The following SLC22A15 variants were observed in gnomAD, a reference collection of about 807,000 sequenced individuals.
The protein encoded by SLC22A15 is solute carrier family 22 member 15, also known as flipt 1.
In SLC22A15, 45 loss-of-function variants were observed where a neutral mutation model predicts 62.7. The ratio of observed to expected loss-of-function variants is 0.72; its 90% CI spans 0.56 to 0.92. The LOEUF (loss-of-function observed/expected upper bound fraction) is 0.92. Ranked by LOEUF, SLC22A15 falls within the 40% of genes least tolerant of loss-of-function variation. The probability of loss-of-function intolerance (pLI) is 0.00; values close to 1 mark genes in which losing one functional copy is unlikely to be tolerated. For missense variants in SLC22A15, 622 were observed against 665.6 expected, an observed-to-expected ratio of 0.93 and a Z score of 0.72; for synonymous variants, 264 against 267.0, an observed-to-expected ratio of 0.99 and a Z score of 0.11.
At chr1:116,046,142 T>A (rs937534199) in intron 8 of SLC22A15, among the ~76,000 whole-genome samples, 1 of 152,198 alleles carries the variant, frequency 6.6e-6, no homozygotes, top group Non-Finnish European at 1.5e-5. Context: ...AAAACTGTGT[T>A]GTACAACTAC....
intron 2 of SLC22A15, among the ~76,000 whole-genome samples, chr1:116,013,174 G>A (rs1338864315): frequency 1.3e-5 from 2 of 152,144 alleles, no homozygotes; most frequent in South Asian, 2.1e-4. Context: ...CAGCCCAGTC[G>A]TAAGTCGAGG....
intron 8 of SLC22A15, among the ~76,000 whole-genome samples, chr1:116,052,997 T>C (rs369963141): frequency 4.6e-5 from 7 of 151,538 alleles, no homozygotes; most frequent in African/African-American, 9.7e-5. Flanking sequence ...AAAAGCAGAG[T>C]GCCTCTCCTC....
rs778488597 is a variant in SLC22A15, at chr1:116,031,444, C to T, written c.807C>T (p.Ala269=). The T allele has an allele frequency of 6.2e-7, 1 of 1,613,906 alleles. No homozygotes were observed. The highest frequency in any genetic ancestry group is 1.1e-5 in the South Asian group (1 of 91,068). The change falls in exon 6 of 12, where the codon GCC becomes GCT. Residue 269 remains alanine, a synonymous_variant. Transcript: ENST00000369503. Reference sequence around the variant, plus strand: ...CTGAAGAGGCGCTGTACCTCATTGCCAAGAGGAACCGCAAACTCAAGTGCA... The same window carrying T: ...CTGAAGAGGCGCTGTACCTCATTGCTAAGAGGAACCGCAAACTCAAGTGCA... ...SEAEEALYLI[A]KRNRKLKCTF...
intron 4 of SLC22A15, among the ~76,000 whole-genome samples, chr1:116,024,364 C>T (rs1039327774): frequency 1.3e-5 from 2 of 152,146 alleles, no homozygotes; most frequent in African/African-American, 4.8e-5. Context: ...ATACTCTTTT[C>T]TAACCTGCTG....
At position 116,031,418 on chromosome 1, in the gene SLC22A15, G is replaced by T; in HGVS notation, c.781G>T (p.Ala261Ser). ...WLYSQGRLSE[A>S]EEALYLIAKR... ...ATACTCCCAGGGTCGACTGAGTGAG[G>T]CTGAAGAGGCGCTGTACCTCATTGC... The change falls in exon 6 of 12, where the codon GCT becomes TCT. Residue 261 changes from alanine (A) to serine (S), a missense_variant. Transcript: ENST00000369503. 6.2e-7 allele frequency: 1 copy of T among 1,613,836 alleles called. No individual in the cohort carries two copies. Among genetic ancestry groups the T allele is most frequent in the Non-Finnish European group, 8.5e-7 (1 of 1,179,862 alleles).
intron 8 of SLC22A15, among the ~76,000 whole-genome samples, chr1:116,057,856 A>G (rs1481897333): frequency 1.3e-5 from 2 of 152,144 alleles, no homozygotes; most frequent in African/African-American, 4.8e-5. Flanking sequence ...GAATTGAACA[A>G]TGAGAACACA....
intron 8 of SLC22A15, among the ~76,000 whole-genome samples, chr1:116,047,377 A>G (rs546163760): frequency 2.0e-4 from 30 of 152,314 alleles, no homozygotes; most frequent in African/African-American, 6.7e-4. Flanking sequence ...TCATGAACCA[A>G]GATCGTGCCA....
At chr1:116,058,044 A>C in intron 8 of SLC22A15, among the ~76,000 whole-genome samples, 1 of 123,858 alleles carries the variant, frequency 8.1e-6, no homozygotes, top group East Asian at 2.6e-4. Flanking sequence ...GTACCCTAAA[A>C]CTTAAAGTAT....
intron 2 of SLC22A15, among the ~76,000 whole-genome samples, chr1:116,001,919 A>G (rs1655754325): frequency 6.6e-6 from 1 of 152,138 alleles, no homozygotes; most frequent in Non-Finnish European, 1.5e-5. Context: ...TGAACATTGA[A>G]GAGTTAGGTA....
chr1:116,066,412 T>C (rs1658499433), intron 10 of SLC22A15, 108 bp from the exon 11 acceptor site: 1 of 988,076 alleles, frequency 1.0e-6, no homozygotes, highest in Non-Finnish European at 1.5e-6. Flanking sequence ...TGCGAGGTCA[T>C]GAACTAGGTG....
At chr1:116,016,444 C>T (rs771774400) in intron 2 of SLC22A15, among the ~76,000 whole-genome samples, 3 of 152,180 alleles carry the variant, frequency 2.0e-5, no homozygotes, top group Middle Eastern at 3.2e-3. Context: ...CCAGGCTGCT[C>T]TTGAACTCCT....
chr1:116,004,175 G>A (rs887114065), intron 2 of SLC22A15, among the ~76,000 whole-genome samples: 2 of 152,106 alleles, frequency 1.3e-5, no homozygotes, highest in African/African-American at 4.8e-5. Context: ...CATCTCTTTG[G>A]CTGCAGCACC....
At chr1:115,977,452 A>G (rs770539931) in intron 1 of SLC22A15, among the ~76,000 whole-genome samples, 2 of 152,240 alleles carry the variant, frequency 1.3e-5, no homozygotes, top group Non-Finnish European at 1.5e-5. Flanking sequence ...GTCACTACAG[A>G]TTAACTGCGC....
chr1:116,017,851 G>A (rs896341836), intron 2 of SLC22A15: 1 of 154,300 alleles, frequency 6.5e-6, no homozygotes, highest in African/African-American at 2.4e-5. Flanking sequence ...TCTGTGACAT[G>A]GGTTCACTTT....
At chr1:116,028,394 T>C (rs1237079481) in intron 5 of SLC22A15, among the ~76,000 whole-genome samples, 1 of 152,050 alleles carries the variant, frequency 6.6e-6, no homozygotes, top group East Asian at 1.9e-4. Flanking sequence ...TATGTAAATA[T>C]TGATGAATAA....
chr1:116,056,907 A>C (rs1438105391), intron 8 of SLC22A15, among the ~76,000 whole-genome samples: 1 of 152,104 alleles, frequency 6.6e-6, no homozygotes, highest in East Asian at 1.9e-4. Context: ...AAATTAATTC[A>C]AGATGGATTA....
At chr1:116,063,358 A>C (rs1658426686) in intron 9 of SLC22A15, among the ~76,000 whole-genome samples, 1 of 152,222 alleles carries the variant, frequency 6.6e-6, no homozygotes, top group Non-Finnish European at 1.5e-5. Flanking sequence ...TTCTTAATGA[A>C]TAGGATATGT....
chr1:116,059,109 AAAAT>A (rs1658308350), intron 8 of SLC22A15, among the ~76,000 whole-genome samples: 1 of 152,192 alleles, frequency 6.6e-6, no homozygotes, highest in East Asian at 1.9e-4. Flanking sequence ...TATGGAAACT[AAAAT>A]AAAAATAAAA....
At chr1:116,004,416 A>G (rs1314964304) in intron 2 of SLC22A15, among the ~76,000 whole-genome samples, 2 of 152,176 alleles carry the variant, frequency 1.3e-5, no homozygotes, top group East Asian at 3.8e-4. Context: ...TTATGAATGT[A>G]TATTGAATTT....
Sources: allele counts gnomAD v4.1 joint callset (sites outside exome capture counted in the v4.1 genomes callset), GRCh38; gene constraint gnomAD v4.1.1; transcripts MANE v1.5; gene names NCBI Gene and HGNC (gene_info 2026-07-23, HGNC 2026-07-21).